Variants in ACSS3 observed in about 807,000 individuals in gnomAD.
The protein encoded by ACSS3 is acyl-CoA synthetase short-chain family member 3, mitochondrial.
Under a neutral mutation model 84.2 loss-of-function variants are expected in ACSS3, and 64 were observed. That is an observed-to-expected ratio of 0.76 (90% confidence interval 0.62 to 0.94). The LOEUF is 0.94. Among genes scored for constraint, ACSS3 ranks in the 40% least tolerant of loss-of-function variants. The pLI is 0.00. For missense variants in ACSS3, 815 were observed against 867.6 expected, an observed-to-expected ratio of 0.94 and a Z score of 0.76; for synonymous variants, 317 against 310.1, an observed-to-expected ratio of 1.02 and a Z score of -0.23.
chr12:81,127,370 C>A (rs759162829), intron 2 of ACSS3, among the ~76,000 whole-genome samples: 2 of 152,028 alleles, frequency 1.3e-5, no homozygotes, highest in African/African-American at 2.4e-5. Flanking sequence ...CAGATATTTA[C>A]CTGAATGCAT....
chr12:81,109,728 G>C (rs1455772850), intron 2 of ACSS3, 24 bp downstream of exon 2: 1 of 1,508,882 alleles, frequency 6.6e-7, no homozygotes. Context: ...CTTTATATAT[G>C]TATATATGAA....
intron 8 of ACSS3, among the ~76,000 whole-genome samples, chr12:81,178,931 C>G (rs1006979833): frequency 6.6e-6 from 1 of 152,124 alleles, no homozygotes; most frequent in Non-Finnish European, 1.5e-5. Flanking sequence ...TGGCATAGTA[C>G]TGCCTCTGAA....
chr12:81,105,697 A>G (rs983624695), intron 1 of ACSS3, among the ~76,000 whole-genome samples: 3 of 152,240 alleles, frequency 2.0e-5, no homozygotes, highest in Non-Finnish European at 4.4e-5. Context: ...TGACTAATAC[A>G]TGGCAAGTGC....
In ACSS3 at chr12:81,078,327, G is replaced by T; in HGVS notation, c.207G>T (p.Ser69=). The T allele has an allele frequency of 6.2e-7, 1 of 1,612,516 alleles. No homozygotes were observed. The highest frequency in any genetic ancestry group is 8.5e-7 in the Non-Finnish European group (1 of 1,179,986). Residue 69 remains serine (S), a synonymous_variant, in exon 1 of 16, where the codon TCG becomes TCT. Coordinates refer to ENST00000548058, the MANE Select transcript of ACSS3 (RefSeq NM_024560.4). ...GSEYKTHFAA[S]VTDPERFWGK... ...AGTACAAGACCCACTTCGCAGCCTC[G>T]GTGACCGACCCCGAGAGGTTCTGGG...
chr12:81,122,840 C>T (rs1484857462), intron 2 of ACSS3, among the ~76,000 whole-genome samples: 2 of 152,108 alleles, frequency 1.3e-5, no homozygotes, highest in African/African-American at 2.4e-5. Context: ...TTCTTCAGCA[C>T]TTGGGATATT....
chr12:81,139,215 A>G lies in ACSS3; in HGVS notation c.730A>G (p.Ile244Val). 6.2e-7 allele frequency: 1 copy of G among 1,614,094 alleles called. No individual in the cohort carries two copies. Reference protein sequence around the residue: ...YVPLVEEALKIGQHKPDKILI... With the variant: ...YVPLVEEALKVGQHKPDKILI... ...ACCACTTGTAGAAGAAGCGCTAAAA[A>G]TAGGACAACACAAACCAGACAAAAT... is the stretch of plus-strand genomic sequence containing the variant. The change falls in exon 4 of 16, where the codon ATA becomes GTA. Residue 244 changes from isoleucine to valine, a missense_variant. Transcript: ENST00000548058.
intron 2 of ACSS3, among the ~76,000 whole-genome samples, chr12:81,117,798 C>T (rs189887675): frequency 3.3e-5 from 5 of 152,240 alleles, no homozygotes; most frequent in African/African-American, 1.2e-4. Flanking sequence ...CATAAATCCC[C>T]TTAGAACAGC....
intron 9 of ACSS3, among the ~76,000 whole-genome samples, chr12:81,208,680 A>G (rs1378058305): frequency 6.6e-6 from 1 of 151,988 alleles, no homozygotes; most frequent in Admixed American, 6.6e-5. Flanking sequence ...AAAACCCCCC[A>G]TGTCTCCCAT....
chr12:81,085,013 T>C (rs1398846056), intron 1 of ACSS3, among the ~76,000 whole-genome samples: 1 of 150,072 alleles, frequency 6.7e-6, no homozygotes, highest in Non-Finnish European at 1.5e-5. Flanking sequence ...CTGGGTCAAG[T>C]AAAATAAGTT....
At chr12:81,225,556 T>C (rs112697325) in intron 11 of ACSS3, among the ~76,000 whole-genome samples, 9 of 152,106 alleles carry the variant, frequency 5.9e-5, no homozygotes, top group African/African-American at 1.7e-4. Flanking sequence ...CAAGCACTAC[T>C]GGCAAGGCAG....
At chr12:81,127,643 T>G (rs1885195868) in intron 2 of ACSS3, among the ~76,000 whole-genome samples, 1 of 152,218 alleles carries the variant, frequency 6.6e-6, no homozygotes, top group Admixed American at 6.5e-5. Flanking sequence ...TTTGTTACGG[T>G]TTAGACCAGG....
chr12:81,080,390 T>G (rs1200672870), intron 1 of ACSS3, among the ~76,000 whole-genome samples: 1 of 151,856 alleles, frequency 6.6e-6, no homozygotes, highest in Non-Finnish European at 1.5e-5. Context: ...AAGATGTGTT[T>G]AATGAGAAAT....
chr12:81,080,382 G>A (rs1880893751), intron 1 of ACSS3, among the ~76,000 whole-genome samples: 1 of 151,604 alleles, frequency 6.6e-6, no homozygotes, highest in Non-Finnish European at 1.5e-5. Flanking sequence ...GTGTGTATAA[G>A]ATGTGTTTAA....
chr12:81,145,446 A>C (rs986118125), intron 5 of ACSS3, among the ~76,000 whole-genome samples: 1 of 152,212 alleles, frequency 6.6e-6, no homozygotes, highest in African/African-American at 2.4e-5. Flanking sequence ...AGTAAAGTAC[A>C]GTCCTTCTAG....
chr12:81,134,770 GAA>G (rs1885697224), intron 2 of ACSS3, 44 bp from the exon 3 acceptor site: 1 of 1,411,142 alleles, frequency 7.1e-7, no homozygotes, highest in East Asian at 2.5e-5. Context: ...GAAGTTTGGT[GAA>G]ATAATACAAA....
intron 5 of ACSS3, 43 bp downstream of exon 5, chr12:81,143,290 A>C: frequency 1.4e-6 from 2 of 1,445,106 alleles, no homozygotes; most frequent in Non-Finnish European, 1.9e-6. Context: ...CAGTAGATTT[A>C]CTTTGCACCA....
At position 81,259,185 on chromosome 12, in the gene ACSS3, T is replaced by C. The variant is rs1325760505; in HGVS notation, c.*4263T>C. ...TCAAGGAAACATATTGATTTGACTA[T>C]TAACAATCCAAAAACTGTAAAAATG... On this transcript the variant is annotated 3_prime_UTR_variant, in exon 16 of 16. Coordinates refer to ENST00000548058, the MANE Select transcript of ACSS3 (RefSeq NM_024560.4). 13 of 222,062 alleles carry C rather than the reference T, an allele frequency of 5.9e-5. No individual in the cohort carries two copies. The highest frequency in any genetic ancestry group is 9.0e-5 in the Non-Finnish European group (10 of 111,560). The allele number at this position is 222,062 out of a possible 1,614,324, so 13.8% of individuals were successfully genotyped here.
intron 7 of ACSS3, among the ~76,000 whole-genome samples, chr12:81,156,285 A>G (rs2135767660): frequency 6.6e-6 from 1 of 152,010 alleles, no homozygotes; most frequent in South Asian, 2.1e-4. Context: ...ATCATATAAA[A>G]TTTTGGAGGA....
intron 15 of ACSS3, 132 bp from the exon 16 acceptor site, chr12:81,254,725 C>T: frequency 1.6e-6 from 1 of 642,792 alleles, no homozygotes; most frequent in East Asian, 3.0e-5. Context: ...TTCAAAGTTC[C>T]CTATTTTTAA....
Sources: gnomAD v4.1 joint callset for allele counts (sites outside exome capture counted in the v4.1 genomes callset) on GRCh38, gnomAD v4.1.1 for gene constraint, MANE v1.5 for transcripts, NCBI Gene and HGNC (gene_info 2026-07-23, HGNC 2026-07-21) for gene names.